BRINP3: variants seen among roughly 807,000 people sequenced by gnomAD.
BRINP3 encodes the protein BMP/retinoic acid inducible neural specific 3.
In BRINP3, 19 loss-of-function variants were observed where a neutral mutation model predicts 71.0. That is an observed-to-expected ratio of 0.27 (90% CI 0.19 to 0.39). The LOEUF (loss-of-function observed/expected upper bound fraction) is 0.39, where lower values mean the gene tolerates loss of function less well. Among genes scored for constraint, BRINP3 ranks in the 10% least tolerant of loss-of-function variants. The pLI is 1.00. For missense variants in BRINP3, 959 were observed against 940.8 expected (o/e 1.02, Z -0.25); for synonymous variants, 380 against 337.7 (o/e 1.13, Z -1.37).
chr1:190,281,851 T>C, intron 2 of BRINP3, 101 bp from the exon 3 acceptor site: 1 of 1,034,220 alleles, frequency 9.7e-7, no homozygotes, highest in South Asian at 1.7e-5. Flanking sequence ...CAATGTCTCT[T>C]GCTTGTAATA....
At chr1:190,471,179 A>G (rs1478253399) in intron 1 of BRINP3, among the ~76,000 whole-genome samples, 2 of 151,160 alleles carry the variant, frequency 1.3e-5, no homozygotes, top group South Asian at 2.1e-4. Flanking sequence ...TAAAATCGTT[A>G]TGGTGGCTAT....
chr1:190,164,257 T>G, intron 6 of BRINP3, among the ~76,000 whole-genome samples: 1 of 152,162 alleles, frequency 6.6e-6, no homozygotes, highest in East Asian at 1.9e-4. Context: ...TTCTAAAGCA[T>G]TCTAAGTTTT....
chr1:190,443,305 T>C (rs1403679454), intron 2 of BRINP3, among the ~76,000 whole-genome samples: 1 of 149,954 alleles, frequency 6.7e-6, no homozygotes, highest in Non-Finnish European at 1.5e-5. Flanking sequence ...CTCGGGAGGC[T>C]GAGGCAGGAG....
chr1:190,131,366 T>C (rs2102352737), intron 7 of BRINP3, among the ~76,000 whole-genome samples: 1 of 152,058 alleles, frequency 6.6e-6, no homozygotes, highest in Non-Finnish European at 1.5e-5. Context: ...GAACCCAACA[T>C]AGTAATAATA....
In BRINP3 at chr1:190,160,868, T is replaced by A. The variant is rs768964414; in HGVS notation, c.984A>T (p.Lys328Asn). ...EESDEFKLFM[K>N]RLPMNYFLNT... ...TGAGGAAATAATTCATAGGTAGCCT[T>A]TTCATAAATAACTTGAATTCATCTG... Residue 328 changes from lysine to asparagine, a missense_variant, in exon 7 of 8, where the codon AAA becomes AAT. Coordinates refer to ENST00000367462, the MANE Select transcript of BRINP3 (RefSeq NM_199051.3). 5 of 1,603,342 alleles carry A rather than the reference T, an allele frequency of 3.1e-6. No individual in the cohort carries two copies. The highest frequency in any genetic ancestry group is 1.7e-5 in the Admixed American group (1 of 57,670).
intron 7 of BRINP3, among the ~76,000 whole-genome samples, chr1:190,156,563 G>GA (rs529111165): frequency 1.3e-5 from 2 of 150,460 alleles, no homozygotes; most frequent in East Asian, 3.9e-4. Context: ...TTTTAAAATG[G>GA]AAAAAAAGAG....
intron 7 of BRINP3, among the ~76,000 whole-genome samples, chr1:190,158,067 G>A (rs1466039202): frequency 6.6e-6 from 1 of 152,086 alleles, no homozygotes; most frequent in Non-Finnish European, 1.5e-5. Flanking sequence ...ATATAGTTTG[G>A]CTGTGTTCCC....
chr1:190,148,237 T>C (rs907936790), intron 7 of BRINP3, among the ~76,000 whole-genome samples: 3 of 152,034 alleles, frequency 2.0e-5, no homozygotes, highest in African/African-American at 7.2e-5. Context: ...CTTCTCTCTA[T>C]GGAAATTCTA....
At chr1:190,374,466 G>GT (rs1670062815) in intron 2 of BRINP3, among the ~76,000 whole-genome samples, 3 of 152,034 alleles carry the variant, frequency 2.0e-5, no homozygotes, top group African/African-American at 7.2e-5. Flanking sequence ...CGTCAAAAGA[G>GT]AAATTAGAAG....
intron 7 of BRINP3, chr1:190,154,142 T>A: frequency 1.2e-6 from 1 of 819,460 alleles, no homozygotes; most frequent in Non-Finnish European, 1.5e-6. Flanking sequence ...ATGACACATA[T>A]TCTTCTTCCC....
At chr1:190,359,500 C>T (rs1668989054) in intron 2 of BRINP3, among the ~76,000 whole-genome samples, 1 of 152,044 alleles carries the variant, frequency 6.6e-6, no homozygotes. Context: ...ATGGCATGCA[C>T]CTGTAGTCTC....
At chr1:190,204,570 G>C (rs141719873) in intron 6 of BRINP3, among the ~76,000 whole-genome samples, 1 of 152,012 alleles carries the variant, frequency 6.6e-6, no homozygotes, top group African/African-American at 2.4e-5. Context: ...CCTAAAAATT[G>C]AATGTCCTGC....
At chr1:190,460,938 G>T (rs74825881) in intron 1 of BRINP3, among the ~76,000 whole-genome samples, 1 of 151,756 alleles carries the variant, frequency 6.6e-6, no homozygotes, top group Non-Finnish European at 1.5e-5. Flanking sequence ...CATAGTATAC[G>T]CTCAACAATA....
rs756148063 is a variant in BRINP3 at position 190,098,171 on chromosome 1, A to G, written c.2148T>C (p.Pro716=). Residue 716 remains proline (P), a synonymous_variant, in exon 8 of 8, where the codon CCT becomes CCC. Coordinates refer to ENST00000367462, the MANE Select transcript of BRINP3 (RefSeq NM_199051.3). ...AGAAAAGATCTAGACGACGCTGACC[A>G]GGTGGGGAGAGTTTATTTACACGGT... ...IRDRVNKLSP[P]GQRRLDLFSC... is the part of the protein sequence containing the mutation. The G allele has an allele frequency of 1.2e-5, 20 of 1,614,066 alleles. No individual in the cohort carries two copies. The Middle Eastern group carries it at 4.9e-4, about 40-fold the overall frequency.
chr1:190,203,724 G>C (rs749898559), intron 6 of BRINP3, among the ~76,000 whole-genome samples: 2 of 111,278 alleles, frequency 1.8e-5, no homozygotes, highest in African/African-American at 6.5e-5. Context: ...GTGCATTTTA[G>C]CAGAAAGCAA....
chr1:190,416,079 T>A (rs529935631), intron 2 of BRINP3, among the ~76,000 whole-genome samples: 2 of 152,146 alleles, frequency 1.3e-5, no homozygotes, highest in African/African-American at 4.8e-5. Context: ...TAAGTTGACA[T>A]ATGGCACACC....
At chr1:190,256,931 A>T (rs942515997) in intron 4 of BRINP3, among the ~76,000 whole-genome samples, 6 of 151,930 alleles carry the variant, frequency 3.9e-5, no homozygotes, top group African/African-American at 1.4e-4. Flanking sequence ...TTTTCCCTTC[A>T]TTTCAACCTT....
intron 6 of BRINP3, among the ~76,000 whole-genome samples, chr1:190,196,830 T>G (rs1236882486): frequency 6.6e-6 from 1 of 151,892 alleles, no homozygotes; most frequent in Non-Finnish European, 1.5e-5. Flanking sequence ...AGATAGTCAC[T>G]GAGAAACTTT....
At chr1:190,318,253 A>G (rs1223411419) in intron 2 of BRINP3, among the ~76,000 whole-genome samples, 7 of 152,010 alleles carry the variant, frequency 4.6e-5, no homozygotes, top group African/African-American at 1.7e-4. Context: ...TCCTCCTGAG[A>G]TCCCATTTCC....
Sources: gnomAD v4.1 joint callset for allele counts (sites outside exome capture counted in the v4.1 genomes callset) on GRCh38, gnomAD v4.1.1 for gene constraint, MANE v1.5 for transcripts, NCBI Gene and HGNC (gene_info 2026-07-23, HGNC 2026-07-21) for gene names.